Variants in CDIN1 observed in about 807,000 individuals in gnomAD.
The protein encoded by CDIN1 is CDAN1 interacting nuclease 1.
Under a neutral mutation model 45.3 loss-of-function variants are expected in CDIN1, and 33 were observed. That is an observed-to-expected ratio of 0.73 (90% CI 0.55 to 0.97). CDIN1 has a LOEUF of 0.97. Among genes scored for constraint, CDIN1 ranks in the 50% least tolerant of loss-of-function variants. The pLI is 0.00. For synonymous variants in CDIN1, 118 were observed against 124.4 expected (o/e 0.95, Z 0.34); for missense variants, 303 against 339.4 (o/e 0.89, Z 0.84).
At position 36,808,609 on chromosome 15, in the gene CDIN1, A is replaced by C; in HGVS notation, c.*156A>C. ...CACTACCTCTTTAGACAAACATATC[A>C]AGAGTTTCTGTTTTCCTTCATCCCT... On this transcript the variant is annotated 3_prime_UTR_variant, in exon 11 of 11. Transcript: ENST00000566621. 14 of 1,018,136 alleles carry C rather than the reference A, an allele frequency of 1.4e-5. No individual in the cohort carries two copies. Among genetic ancestry groups the C allele is most frequent in the Non-Finnish European group, 1.8e-5 (13 of 711,358 alleles). 63.1% of individuals were successfully genotyped at this position (1,018,136 alleles called of 1,614,324 possible).
chr15:36,800,601 C>T (rs1595618312), intron 10 of CDIN1, among the ~76,000 whole-genome samples: 2 of 151,998 alleles, frequency 1.3e-5, no homozygotes, highest in South Asian at 2.1e-4. Flanking sequence ...ATCTACAACA[C>T]GTAGATTAAA....
At chr15:36,634,001 C>T (rs1014556419) in intron 1 of CDIN1, among the ~76,000 whole-genome samples, 6 of 151,996 alleles carry the variant, frequency 3.9e-5, no homozygotes, top group Admixed American at 1.3e-4. Flanking sequence ...ATCTGCTCGC[C>T]TCGGCCTCCC....
In CDIN1 at chr15:36,807,194, G is replaced by A. The variant is rs1334057223; in HGVS notation, c.717-1130G>A. Among the ~76,000 whole-genome samples, 6 of 152,188 alleles carry A rather than the reference G, an allele frequency of 3.9e-5. No individual in the cohort carries two copies. The East Asian group carries it at 7.7e-4, about 20-fold the overall frequency. Reference sequence around the variant, plus strand: ...CTTGTCCCTGTGCATACAGTATCTCGCAGCCCATCCTGTATTGTTAGTTTT... The same window carrying A: ...CTTGTCCCTGTGCATACAGTATCTCACAGCCCATCCTGTATTGTTAGTTTT... On this transcript the variant is annotated intron_variant, in intron 10 of 10. Transcript: ENST00000566621.
chr15:36,594,698 G>C (rs940143216), intron 1 of CDIN1, among the ~76,000 whole-genome samples: 3 of 152,142 alleles, frequency 2.0e-5, no homozygotes, highest in Admixed American at 6.5e-5. Flanking sequence ...CAATAAAAAT[G>C]AGCTTAATCT....
intron 3 of CDIN1, among the ~76,000 whole-genome samples, chr15:36,652,013 G>GT (rs1775731465): frequency 6.6e-6 from 1 of 152,160 alleles, no homozygotes; most frequent in South Asian, 2.1e-4. Context: ...GGTATAAAAG[G>GT]TAGTCTGGCA....
intron 10 of CDIN1, among the ~76,000 whole-genome samples, chr15:36,801,531 A>C (rs1048654872): frequency 6.6e-6 from 1 of 152,052 alleles, no homozygotes; most frequent in African/African-American, 2.4e-5. Context: ...ACAAATCTCT[A>C]CCTCATACGT....
At chr15:36,678,300 C>T (rs773087878) in intron 5 of CDIN1, among the ~76,000 whole-genome samples, 1 of 152,200 alleles carries the variant, frequency 6.6e-6, no homozygotes, top group Non-Finnish European at 1.5e-5. Flanking sequence ...AAGACACTGG[C>T]AGGTCAACCC....
chr15:36,691,106 C>A, intron 5 of CDIN1: 1 of 510,566 alleles, frequency 2.0e-6, no homozygotes, highest in Non-Finnish European at 3.9e-6. Flanking sequence ...TCAATTCAGT[C>A]AGTTTTACCT....
intron 5 of CDIN1, among the ~76,000 whole-genome samples, chr15:36,660,327 C>G (rs946544910): frequency 3.3e-5 from 5 of 152,082 alleles, no homozygotes; most frequent in African/African-American, 1.2e-4. Flanking sequence ...AGCTGCAAGT[C>G]TCAGTCTTGG....
intron 10 of CDIN1, among the ~76,000 whole-genome samples, chr15:36,779,033 T>C (rs942013437): frequency 1.3e-5 from 2 of 152,212 alleles, no homozygotes; most frequent in African/African-American, 4.8e-5. Context: ...TAATCATATA[T>C]TCATTTACAC....
intron 6 of CDIN1, 97 bp from the exon 7 acceptor site, chr15:36,692,029 T>TGGG: frequency 2.8e-6 from 2 of 720,430 alleles, no homozygotes; most frequent in African/African-American, 2.8e-5. Context: ...GGGGCGGGGG[T>TGGG]GGGGGAAGAA....
intron 5 of CDIN1, among the ~76,000 whole-genome samples, chr15:36,659,966 C>CTTTTTTT (rs778988517): frequency 0.011 from 1,159 of 104,980 alleles, 23 homozygotes; most frequent in Middle Eastern, 0.022. Flanking sequence ...CCTTCCTTTT[C>CTTTTTTT]TTTTTTTTTT....
chr15:36,703,879 AAC>A (rs2042767363), intron 8 of CDIN1, among the ~76,000 whole-genome samples: 1 of 152,182 alleles, frequency 6.6e-6, no homozygotes, highest in Non-Finnish European at 1.5e-5. Context: ...GACAAAGGCT[AAC>A]AGTCAATCTT....
chr15:36,757,787 C>A (rs148112978), intron 10 of CDIN1, among the ~76,000 whole-genome samples: 396 of 151,996 alleles, frequency 2.6e-3, no homozygotes, highest in Non-Finnish European at 3.9e-3. Flanking sequence ...GCAGTAGTAG[C>A]CTAATGCTAT....
intron 1 of CDIN1, chr15:36,627,753 C>T (rs1420812923): frequency 6.6e-6 from 1 of 152,444 alleles, no homozygotes; most frequent in African/African-American, 2.4e-5. Context: ...GACCAACCAT[C>T]ACCAGGGCCA....
At chr15:36,658,325 TA>T (rs1172966258) in intron 5 of CDIN1, 2 of 152,330 alleles carry the variant, frequency 1.3e-5, no homozygotes, top group East Asian at 1.9e-4. Context: ...TACAAGAAAA[TA>T]AAAAAGAAAA....
At chr15:36,721,618 A>G (rs1197694592) in intron 10 of CDIN1, among the ~76,000 whole-genome samples, 1 of 152,158 alleles carries the variant, frequency 6.6e-6, no homozygotes, top group East Asian at 1.9e-4. Context: ...GTACACTTGA[A>G]ACTATTCCAC....
At chr15:36,749,394 G>A (rs1412111654) in intron 10 of CDIN1, among the ~76,000 whole-genome samples, 1 of 152,172 alleles carries the variant, frequency 6.6e-6, no homozygotes, top group Non-Finnish European at 1.5e-5. Context: ...GGATTCACCT[G>A]CAGTGCCTTT....
At chr15:36,593,372 C>T (rs2037673297) in intron 1 of CDIN1, among the ~76,000 whole-genome samples, 1 of 151,996 alleles carries the variant, frequency 6.6e-6, no homozygotes, top group Non-Finnish European at 1.5e-5. Context: ...TGAGTGAGTA[C>T]CAGGTTTAGA....
Sources: gnomAD v4.1 joint callset for allele counts (sites outside exome capture counted in the v4.1 genomes callset) on GRCh38, gnomAD v4.1.1 for gene constraint, MANE v1.5 for transcripts, NCBI Gene and HGNC (gene_info 2026-07-23, HGNC 2026-07-21) for gene names.